UBXN11: variants seen among roughly 807,000 people sequenced by gnomAD.
The protein encoded by UBXN11 is UBX domain protein 11, also known as UBX domain-containing protein 11.
In UBXN11, 47 loss-of-function variants were observed where a neutral mutation model predicts 62.8. The ratio of observed to expected loss-of-function variants is 0.75; its 90% CI spans 0.59 to 0.95. The LOEUF is 0.95. Ranked by LOEUF, UBXN11 falls within the 40% of genes least tolerant of loss-of-function variation. The probability of loss-of-function intolerance (pLI) is 0.00; values close to 1 mark genes in which losing one functional copy is unlikely to be tolerated. For missense variants in UBXN11, 638 were observed against 661.7 expected, an observed-to-expected ratio of 0.96 and a Z score of 0.39; for synonymous variants, 294 against 267.0, an observed-to-expected ratio of 1.10 and a Z score of -0.99.
rs375791030 is a variant in UBXN11 at position 26,294,245 on chromosome 1, G to A, written c.519C>T (p.Gly173=). 12 of 1,614,008 alleles carry A rather than the reference G, an allele frequency of 7.4e-6. No homozygotes were observed. The highest frequency in any genetic ancestry group is 2.2e-5 in the South Asian group (2 of 91,086). ...DSESKTVSEH[G]ERDWMTAKKF... is the part of the protein sequence containing the mutation. ...TCTTGGCTGTCATCCAGTCCCTCTC[G>A]CCATGCTCTGAGACTGTCTTGCTCT... Residue 173 remains glycine (G), a synonymous_variant, in exon 8 of 15, where the codon GGC becomes GGT. Coordinates refer to ENST00000374222, the MANE Select transcript of UBXN11 (RefSeq NM_001389556.1).
chr1:26,287,796 T>A (rs2073165911), intron 8 of UBXN11, among the ~76,000 whole-genome samples: 1 of 152,108 alleles, frequency 6.6e-6, no homozygotes, highest in Non-Finnish European at 1.5e-5. Context: ...AAAACTCGCC[T>A]AACAGAATGA....
chr1:26,282,404 A>G lies in UBXN11; in HGVS notation c.1458T>C (p.Cys486=), dbSNP rs534102934. 7.8e-7 allele frequency: 1 copy of G among 1,288,548 alleles called. No homozygotes were observed. The highest frequency in any genetic ancestry group is 1.0e-6 in the Non-Finnish European group (1 of 968,328). The allele number at this position is 1,288,548 out of a possible 1,614,324, so 79.8% of individuals were successfully genotyped here. Residue 486 remains cysteine (C), a synonymous_variant, in exon 15 of 15, where the codon TGT becomes TGC. Transcript: ENST00000374222. ...KSSLKFSPGP[C]PGPGPGPSPG... ...GACTGGGGCCGGGACCGGGACCGGG[A>G]CAGGGACCAGGACTGAATTTCAGGC...
chr1:26,315,444 C>T (rs1273032634), intron 1 of UBXN11, among the ~76,000 whole-genome samples: 1 of 152,216 alleles, frequency 6.6e-6, no homozygotes, highest in Non-Finnish European at 1.5e-5. Context: ...ACCTCCCTGA[C>T]TCTCATGAAC....
chr1:26,298,739 T>A (rs2073455766), intron 4 of UBXN11, among the ~76,000 whole-genome samples: 1 of 135,050 alleles, frequency 7.4e-6, no homozygotes, highest in Admixed American at 8.6e-5. Flanking sequence ...ATCGCACCAC[T>A]GCACTCCAGC....
intron 10 of UBXN11, chr1:26,284,819 C>T: frequency 9.3e-7 from 1 of 1,077,908 alleles, no homozygotes. Flanking sequence ...GCAGCACAAA[C>T]CGCATCATCG....
intron 8 of UBXN11, among the ~76,000 whole-genome samples, chr1:26,287,947 C>G (rs2073169708): frequency 6.7e-6 from 1 of 149,690 alleles, no homozygotes; most frequent in South Asian, 2.1e-4. Context: ...CTCTGTCACC[C>G]AAGCTGGAGT....
intron 1 of UBXN11, among the ~76,000 whole-genome samples, chr1:26,311,660 C>T (rs566071711): frequency 1.3e-5 from 2 of 152,240 alleles, no homozygotes; most frequent in South Asian, 4.1e-4. Flanking sequence ...TCAGGCTGGT[C>T]TGAAACTCCT....
chr1:26,284,745 C>G (rs1186923235), intron 10 of UBXN11: 2 of 1,251,976 alleles, frequency 1.6e-6, no homozygotes, highest in Non-Finnish European at 1.0e-6. Context: ...CTCTCAGGAG[C>G]CTACCGTGAA....
rs190924615 is a variant in UBXN11 at position 26,284,469 on chromosome 1, C to T, written c.866G>A (p.Arg289His). 1.1e-5 allele frequency: 18 copies of T among 1,600,526 alleles called. No homozygotes were observed. The highest frequency in any genetic ancestry group is 1.0e-4 in the Admixed American group (6 of 58,688). The change falls in exon 11 of 15, where the codon CGC becomes CAC. Residue 289 changes from arginine (R) to histidine (H), a missense_variant. Transcript: ENST00000374222. ...TCCATCCTCCAGGTAGACCTGATTGCGCAAGTCACTCACCTGGCAAGAAAG... is the reference window on the plus strand; with the variant it reads ...TCCATCCTCCAGGTAGACCTGATTGTGCAAGTCACTCACCTGGCAAGAAAG... ...NGVPFKVSDLRNQVYLEDGLD... is the reference protein window; with the variant it reads ...NGVPFKVSDLHNQVYLEDGLD...
At chr1:26,284,660 A>G in intron 10 of UBXN11, 178 bp from the exon 11 acceptor site, 1 of 1,369,430 alleles carries the variant, frequency 7.3e-7, no homozygotes, top group Non-Finnish European at 9.5e-7. Flanking sequence ...CATCTCCCTC[A>G]GCCCTGCTGC....
At chr1:26,285,595 C>T in intron 9 of UBXN11, 54 bp from the exon 10 acceptor site, 1 of 1,487,622 alleles carries the variant, frequency 6.7e-7, no homozygotes. Flanking sequence ...GCCCACCCTG[C>T]CCTGCCACTG....
At chr1:26,297,825 A>T in intron 5 of UBXN11, 137 bp downstream of exon 5, 2 of 987,104 alleles carry the variant, frequency 2.0e-6, no homozygotes, top group Non-Finnish European at 3.0e-6. Context: ...CCCAGGCCAC[A>T]CCTGGTCCTC....
chr1:26,288,259 T>A (rs1267741406), intron 8 of UBXN11, among the ~76,000 whole-genome samples: 1 of 147,858 alleles, frequency 6.8e-6, no homozygotes, highest in Non-Finnish European at 1.5e-5. Context: ...GGGCCGGGGG[T>A]TTTTCAGGCT....
At chr1:26,285,181 G>A in intron 10 of UBXN11, 3 of 1,223,136 alleles carry the variant, frequency 2.5e-6, no homozygotes, top group Non-Finnish European at 3.1e-6. Context: ...AGGGACCCCA[G>A]GTTGTCAAGG....
chr1:26,299,448 G>C lies in UBXN11; in HGVS notation c.200-1386C>G, dbSNP rs951511407. On this transcript the variant is annotated intron_variant, in intron 4 of 14. Coordinates refer to ENST00000374222, the MANE Select transcript of UBXN11 (RefSeq NM_001389556.1). Reference sequence around the variant, plus strand: ...GACTGCTTGAGCCTGACAGGTCGAGGCTGCAGTAAGTAGTGATTTGCACCG... The same window carrying C: ...GACTGCTTGAGCCTGACAGGTCGAGCCTGCAGTAAGTAGTGATTTGCACCG... Among the ~76,000 whole-genome samples, 5 of 150,428 alleles carry C rather than the reference G, an allele frequency of 3.3e-5. No homozygotes were observed. The Admixed American group carries it at 3.3e-4, about 10-fold the overall frequency.
In UBXN11 at chr1:26,282,291, CG is replaced by C; in HGVS notation, c.*7del. The C allele has an allele frequency of 6.9e-7, 1 of 1,453,652 alleles. No homozygotes were observed. Among genetic ancestry groups the C allele is most frequent in the Non-Finnish European group, 9.1e-7 (1 of 1,098,202 alleles). The allele number at this position is 1,453,652 out of a possible 1,614,324, so 90.0% of individuals were successfully genotyped here. ...CTGGCGGAGCAGCGGGTTGAGGGGG[CG>C]GGTGCTTTATTGGGGGCTGGGACTG... is the stretch of plus-strand genomic sequence containing the variant. On this transcript the variant is annotated 3_prime_UTR_variant, in exon 15 of 15. Coordinates refer to ENST00000374222, the MANE Select transcript of UBXN11 (RefSeq NM_001389556.1).
At position 26,294,304 on chromosome 1, in the gene UBXN11, A is replaced by G. The variant is rs757340890; in HGVS notation, c.460T>C (p.Trp154Arg). The change falls in exon 8 of 15, where the codon TGG becomes CGG. Residue 154 changes from tryptophan to arginine, a missense_variant. Coordinates refer to ENST00000374222, the MANE Select transcript of UBXN11 (RefSeq NM_001389556.1). Reference sequence around the variant, plus strand: ...TCCTGGTCCATGGGCTCGCCCACCCACTGCAGGCCATAGTCACTGAGGAAC... The same window carrying G: ...TCCTGGTCCATGGGCTCGCCCACCCGCTGCAGGCCATAGTCACTGAGGAAC... Reference protein sequence around the residue: ...ERFLSDYGLQWVGEPMDQEDS... With the variant: ...ERFLSDYGLQRVGEPMDQEDS... The G allele has an allele frequency of 6.2e-7, 1 of 1,613,994 alleles. No homozygotes were observed. The highest frequency in any genetic ancestry group is 8.5e-7 in the Non-Finnish European group (1 of 1,179,960).
At chr1:26,303,785 G>C (rs1468962603) in intron 1 of UBXN11, among the ~76,000 whole-genome samples, 2 of 152,154 alleles carry the variant, frequency 1.3e-5, no homozygotes, top group African/African-American at 4.8e-5. Flanking sequence ...AGCAGATTCA[G>C]AGATAACAGA....
Position 26,285,966 on chromosome 1 carries a change from C to T in UBXN11, c.631G>A (p.Val211Met), listed in dbSNP as rs1298242708. 1 of 1,613,620 alleles carries T rather than the reference C, an allele frequency of 6.2e-7. No homozygotes were observed. Among genetic ancestry groups the T allele is most frequent in the Non-Finnish European group, 8.5e-7 (1 of 1,179,706 alleles). ...LASLQDLSEL[V>M]VEGDTQVTPV... The stretch of plus-strand genomic sequence containing the variant: ...GTCACTTGGGTGTCACCCTCTACCA[C>T]CAGCTCACTAAGATCCTGCAGGCTG... Residue 211 changes from valine to methionine, a missense_variant, in exon 9 of 15, where the codon GTG becomes ATG. By Grantham distance (21) the Val-to-Met change is conservative (BLOSUM62 1). Coordinates refer to ENST00000374222, the MANE Select transcript of UBXN11 (RefSeq NM_001389556.1).
Sources: gnomAD v4.1 joint callset for allele counts (sites outside exome capture counted in the v4.1 genomes callset) on GRCh38, gnomAD v4.1.1 for gene constraint, MANE v1.5 for transcripts, NCBI Gene and HGNC (gene_info 2026-07-23, HGNC 2026-07-21) for gene names.